The following PRRC2C variants were observed in gnomAD, a reference collection of about 807,000 sequenced individuals.
PRRC2C encodes the protein proline rich coiled-coil 2C, also known as protein PRRC2C.
A neutral mutation model predicts 317.2 loss-of-function variants in PRRC2C; 72 were observed. The ratio of observed to expected loss-of-function variants is 0.23; its 90% confidence interval spans 0.19 to 0.28. The LOEUF (loss-of-function observed/expected upper bound fraction) is 0.28, where lower values mean the gene tolerates loss of function less well. PRRC2C is among the 10% of genes least tolerant of loss of function. The probability of loss-of-function intolerance (pLI) is 1.00; values close to 1 mark genes in which losing one functional copy is unlikely to be tolerated. For missense variants in PRRC2C, 3,074 were observed against 3,459.7 expected, an observed-to-expected ratio of 0.89 and a Z score of 2.80; for synonymous variants, 1,296 against 1,205.9, an observed-to-expected ratio of 1.07 and a Z score of -1.55.
At chr1:171,505,650 T>C (rs1557872755) in intron 1 of PRRC2C, among the ~76,000 whole-genome samples, 1 of 152,366 alleles carries the variant, frequency 6.6e-6, no homozygotes, top group East Asian at 1.9e-4. Context: ...ACCTCATTTC[T>C]CTTCATTGAA....
chr1:171,589,635 A>T, intron 34 of PRRC2C, 30 bp downstream of exon 34: 1 of 1,250,670 alleles, frequency 8.0e-7, no homozygotes, highest in Non-Finnish European at 1.0e-6. Context: ...CCAACAGATC[A>T]AGAATCTGTC....
intron 23 of PRRC2C, 22 bp downstream of exon 23, chr1:171,568,361 T>C: frequency 6.3e-7 from 1 of 1,576,646 alleles, no homozygotes. Context: ...GTTTGAGATG[T>C]GGCAAGTTTG....
chr1:171,512,650 ATTC>A (rs1299089657), intron 2 of PRRC2C: 1 of 234,506 alleles, frequency 4.3e-6, no homozygotes, highest in African/African-American at 2.3e-5. Context: ...TATTAACAGT[ATTC>A]TTTATGAACA....
chr1:171,577,617 A>T lies in PRRC2C; in HGVS notation c.7139A>T (p.Tyr2380Phe). Residue 2380 changes from tyrosine (Y) to phenylalanine (F), a missense_variant, in exon 26 of 35, where the codon TAT becomes TTT. Physicochemically the swap from Tyr to Phe is conservative, Grantham distance 22. Transcript: ENST00000647382. ...IAQQQQNPQV[Y>F]VSQSAAAQIP... The stretch of plus-strand genomic sequence containing the variant: ...CAGCAGCAACAGAATCCGCAAGTTT[A>T]TGTGTCTCAGTCTGCAGCAGGTAAT... 3 of 1,613,248 alleles carry T rather than the reference A, an allele frequency of 1.9e-6. No individual in the cohort carries two copies. Among genetic ancestry groups the T allele is most frequent in the Middle Eastern group, 1.6e-4 (1 of 6,062 alleles).
chr1:171,515,858 A>G lies in PRRC2C; in HGVS notation c.525A>G (p.Pro175=). Residue 175 remains proline (P), a splice_region_variant and synonymous_variant, in exon 5 of 35, where the codon CCA becomes CCG. Coordinates refer to ENST00000647382, the MANE Select transcript of PRRC2C (RefSeq NM_001387844.1). The part of the protein sequence containing the change: ...NYGPGPSLRP[P]NVACWRDGGK... ...GACCTGGACCCAGTTTACGTCCACCAAGTAAGAGTACTTTCTCTTTAATAC... is the reference window on the plus strand; with the variant it reads ...GACCTGGACCCAGTTTACGTCCACCGAGTAAGAGTACTTTCTCTTTAATAC... The G allele has an allele frequency of 1.9e-6, 3 of 1,588,690 alleles. No homozygotes were observed. The highest frequency in any genetic ancestry group is 2.6e-6 in the Non-Finnish European group (3 of 1,170,794).
rs920423722 is a variant in PRRC2C, at chr1:171,586,063, ATTTT to A, written c.7750-922_7750-919del. Among the ~76,000 whole-genome samples, 77 of 83,030 alleles carry A rather than the reference ATTTT, an allele frequency of 9.3e-4. 1 individual carries two copies. The highest frequency in any genetic ancestry group is 3.3e-3 in the African/African-American group (71 of 21,204). The allele number at this position is 83,030 out of a possible 152,430, so 54.5% of individuals were successfully genotyped here. On this transcript the variant is annotated intron_variant, in intron 30 of 34. Coordinates refer to ENST00000647382, the MANE Select transcript of PRRC2C (RefSeq NM_001387844.1). ...ATCCGTCGCAGGAGGTCAGGTGTTG[ATTTT>A]TTTTTTTTTTTTTTTTTGAGACGGA...
intron 10 of PRRC2C, among the ~76,000 whole-genome samples, chr1:171,527,294 G>C (rs1674802243): frequency 6.7e-6 from 1 of 149,894 alleles, no homozygotes; most frequent in Non-Finnish European, 1.5e-5. Context: ...CACCACGCCT[G>C]GCTAATTTTT....
At chr1:171,569,895 C>T (rs747571239) in intron 23 of PRRC2C, among the ~76,000 whole-genome samples, 12 of 151,800 alleles carry the variant, frequency 7.9e-5, no homozygotes. Flanking sequence ...TTATTATTCT[C>T]AGAACCCTTA....
At chr1:171,516,750 G>T (rs1018623894) in intron 5 of PRRC2C, among the ~76,000 whole-genome samples, 1 of 152,206 alleles carries the variant, frequency 6.6e-6, no homozygotes, top group African/African-American at 2.4e-5. Context: ...CGATGAAGCT[G>T]TCTGAAGCTG....
At chr1:171,502,304 A>G (rs963819087) in intron 1 of PRRC2C, among the ~76,000 whole-genome samples, 1 of 152,176 alleles carries the variant, frequency 6.6e-6, no homozygotes, top group African/African-American at 2.4e-5. Context: ...AAAAAATACT[A>G]TTGCCAGGCC....
Position 171,557,795 on chromosome 1 carries a change from A to T in PRRC2C, c.5683A>T (p.Ile1895Phe), listed in dbSNP as rs749056972. 5 of 1,549,586 alleles carry T rather than the reference A, an allele frequency of 3.2e-6. No homozygotes were observed. The African/African-American group carries it at 5.5e-5, about 17-fold the overall frequency. The part of the protein sequence containing the change: ...PAAPVITAPT[I>F]PASAPTASVP... ...TGCCCCAGTCATCACAGCACCAACT[A>T]TCCCAGCCTCAGCCCCAACTGCCTC... The change falls in exon 19 of 35, where the codon ATC (isoleucine) becomes TTC (phenylalanine). Residue 1895 changes from isoleucine to phenylalanine, a missense_variant. This residue lies in a region of PRRC2C where 640 missense variants were observed against 676.1 expected (regional missense o/e 0.95). Coordinates refer to ENST00000647382, the MANE Select transcript of PRRC2C (RefSeq NM_001387844.1).
chr1:171,517,395 C>T (rs775271668), intron 5 of PRRC2C, among the ~76,000 whole-genome samples, 196 bp from the exon 6 acceptor site: 1 of 152,056 alleles, frequency 6.6e-6, no homozygotes, highest in Non-Finnish European at 1.5e-5. Context: ...TGGTGACACC[C>T]TCTGAGGTAC....
At position 171,540,017 on chromosome 1, in the gene PRRC2C, G is replaced by A; in HGVS notation, c.2551G>A (p.Val851Ile). The change falls in exon 16 of 35, where the codon GTA (valine) becomes ATA (isoleucine). Residue 851 changes from valine (V) to isoleucine (I), a missense_variant. This residue lies in a region of PRRC2C where 1,320 missense variants were observed against 1,395.7 expected (regional missense o/e 0.95). Transcript: ENST00000647382. ...DQEQITAAYS[V>I]EHNQLEAHPK... Reference sequence around the variant, plus strand: ...GGAACAGATTACTGCTGCTTATTCTGTAGAACATAATCAATTAGAGGCTCA... The same window carrying A: ...GGAACAGATTACTGCTGCTTATTCTATAGAACATAATCAATTAGAGGCTCA... 1.2e-6 allele frequency: 2 copies of A among 1,613,844 alleles called. No homozygotes were observed. Among genetic ancestry groups the A allele is most frequent in the Non-Finnish European group, 1.7e-6 (2 of 1,179,850 alleles).
chr1:171,572,747 A>T (rs931043694), intron 24 of PRRC2C, among the ~76,000 whole-genome samples: 4 of 152,240 alleles, frequency 2.6e-5, no homozygotes, highest in Admixed American at 6.5e-5. Context: ...CTAATTTCAC[A>T]TAAGCAAATA....
Position 171,540,682 on chromosome 1 carries a change from A to G in PRRC2C, c.3216A>G (p.Pro1072=). ...PPPPPPQPPA[P]IQPQSVPPPI... is the part of the protein sequence containing the mutation. ...CACCACCACCTCAGCCACCAGCACC[A>G]ATTCAGCCACAGTCAGTTCCACCAC... Residue 1072 remains proline (P), a synonymous_variant, in exon 16 of 35, where the codon CCA becomes CCG. Transcript: ENST00000647382. 6.2e-7 allele frequency: 1 copy of G among 1,613,960 alleles called. No individual in the cohort carries two copies. The highest frequency in any genetic ancestry group is 8.5e-7 in the Non-Finnish European group (1 of 1,179,864).
rs1231239805 is a variant in PRRC2C at position 171,542,123 on chromosome 1, C to A, written c.4657C>A (p.Arg1553Ser). 2 of 1,613,304 alleles carry A rather than the reference C, an allele frequency of 1.2e-6. No individual in the cohort carries two copies. Among genetic ancestry groups the A allele is most frequent in the Non-Finnish European group, 1.7e-6 (2 of 1,179,582 alleles). ...RSFSSQRPVD[R>S]QNRRGNNGPP... Reference sequence around the variant, plus strand: ...TTTTTCTAGTCAGAGACCAGTAGATCGTCAGAATCGACGTGGCAACAATGG... The same window carrying A: ...TTTTTCTAGTCAGAGACCAGTAGATAGTCAGAATCGACGTGGCAACAATGG... Residue 1553 changes from arginine to serine, a missense_variant, in exon 16 of 35, where the codon CGT becomes AGT. Coordinates refer to ENST00000647382, the MANE Select transcript of PRRC2C (RefSeq NM_001387844.1).
rs144140956 is a variant in PRRC2C at position 171,541,326 on chromosome 1, A to G, written c.3860A>G (p.Lys1287Arg). Residue 1287 changes from lysine to arginine, a missense_variant, in exon 16 of 35, where the codon AAA becomes AGA. This residue lies in a region of PRRC2C where 1,320 missense variants were observed against 1,395.7 expected (regional missense o/e 0.95). Coordinates refer to ENST00000647382, the MANE Select transcript of PRRC2C (RefSeq NM_001387844.1). This position sits in a 1 kb window ranked among gnomAD's most constrained non-coding sequence, Gnocchi z 4.1. ...GACAAGGACAGTTTAAGTAAAGGCA[A>G]ACTTCCCAAAAGAGAGGAACGGCCT... ...ASDKDSLSKG[K>R]LPKREERPEN... 8 of 1,613,716 alleles carry G rather than the reference A, an allele frequency of 5.0e-6. No individual in the cohort carries two copies. Among genetic ancestry groups the G allele is most frequent in the Non-Finnish European group, 6.8e-6 (8 of 1,179,822 alleles).
intron 17 of PRRC2C, among the ~76,000 whole-genome samples, chr1:171,546,275 A>C (rs1236383849): frequency 1.3e-5 from 2 of 152,258 alleles, no homozygotes; most frequent in African/African-American, 4.8e-5. Flanking sequence ...TAGACATTGT[A>C]CATGTAAAAT....
At chr1:171,551,587 C>G (rs235474) in intron 18 of PRRC2C, among the ~76,000 whole-genome samples, 122,959 of 152,158 alleles carry the variant, frequency 0.81, 49,801 homozygotes, top group Middle Eastern at 0.9. Flanking sequence ...GGGTTTTTAT[C>G]GTTTTAGGTC....
Sources: allele counts gnomAD v4.1 joint callset (sites outside exome capture counted in the v4.1 genomes callset), GRCh38; gene constraint gnomAD v4.1.1; regional missense constraint gnomAD v4.1.1; non-coding constraint Gnocchi (gnomAD v3.1); transcripts MANE v1.5; gene names NCBI Gene and HGNC (gene_info 2026-07-23, HGNC 2026-07-21).